The following TCFL5 variants were observed in gnomAD, a reference collection of about 807,000 sequenced individuals.
TCFL5 encodes transcription factor-like 5 protein.
In TCFL5, 9 loss-of-function variants were observed where a neutral mutation model predicts 44.3. That is an observed-to-expected ratio of 0.20 (90% CI 0.12 to 0.35). TCFL5 has a LOEUF of 0.35. Ranked by LOEUF, TCFL5 falls within the 10% of genes least tolerant of loss-of-function variation. The pLI is 1.00. For synonymous variants in TCFL5, 319 were observed against 271.6 expected, an observed-to-expected ratio of 1.17 and a Z score of -1.72; for missense variants, 603 against 613.4, an observed-to-expected ratio of 0.98 and a Z score of 0.18.
chr20:62,844,346 A>G (rs1039299039), intron 5 of TCFL5, among the ~76,000 whole-genome samples: 7 of 152,296 alleles, frequency 4.6e-5, no homozygotes, highest in Middle Eastern at 3.4e-3. Flanking sequence ...CGCATCTTTC[A>G]TGGGCTTATT....
At chr20:62,850,766 G>T (rs1300063627) in intron 5 of TCFL5, among the ~76,000 whole-genome samples, 2 of 152,164 alleles carry the variant, frequency 1.3e-5, no homozygotes, top group Non-Finnish European at 2.9e-5. Context: ...CAGCAACACT[G>T]GCTGGCAGGC....
At chr20:62,845,511 A>C in intron 5 of TCFL5, 1 of 1,427,798 alleles carries the variant, frequency 7.0e-7, no homozygotes, top group East Asian at 2.6e-5. Flanking sequence ...TAAAGCCTAC[A>C]TATAAAAAAC....
rs544463959 is a variant in TCFL5, at chr20:62,859,185, T to C, written c.994+179A>G. Among the ~76,000 whole-genome samples the C allele has an allele frequency of 3.3e-5, 5 of 152,302 alleles. No individual in the cohort carries two copies. In the South Asian group the frequency reaches 1.0e-3, roughly 32 times the overall value. ...TAATTATGTTTGAGAATCAGAATAA[T>C]GTTTAAAGCGAAAAGACAGGGAAGC... On this transcript the variant is annotated intron_variant, in intron 3 of 5. Coordinates refer to ENST00000335351, the MANE Select transcript of TCFL5 (RefSeq NM_006602.4).
chr20:62,845,610 CG>C (rs2063731707), intron 5 of TCFL5: 2 of 1,583,430 alleles, frequency 1.3e-6, no homozygotes, highest in Admixed American at 1.8e-5. Context: ...GTTAGACCCT[CG>C]GAGCTGGTCT....
At chr20:62,844,724 T>C (rs1266541593) in intron 5 of TCFL5, 8 of 241,022 alleles carry the variant, frequency 3.3e-5, no homozygotes, top group Non-Finnish European at 5.3e-5. Flanking sequence ...GCCTCCTGAA[T>C]AGCTGGGATT....
At chr20:62,844,324 C>A (rs1465849190) in intron 5 of TCFL5, among the ~76,000 whole-genome samples, 1 of 152,226 alleles carries the variant, frequency 6.6e-6, no homozygotes, top group Non-Finnish European at 1.5e-5. Context: ...TCCCTAATGA[C>A]TAACGGCTTG....
At position 62,861,579 on chromosome 20, in the gene TCFL5, G is replaced by A. The variant is rs368842247; in HGVS notation, c.92C>T (p.Ala31Val). 1.2e-5 allele frequency: 13 copies of A among 1,088,074 alleles called. No individual in the cohort carries two copies. The highest frequency in any genetic ancestry group is 1.3e-5 in the Non-Finnish European group (12 of 891,308). The allele number at this position is 1,088,074 out of a possible 1,614,324, so 67.4% of individuals were successfully genotyped here. Residue 31 changes from alanine (A) to valine (V), a missense_variant, in exon 1 of 6, where the codon GCG (alanine) becomes GTG (valine). Physicochemically the swap from Ala to Val is moderately conservative, Grantham distance 64. This residue lies in a region of TCFL5 where 540 missense variants were observed against 478.7 expected (regional missense o/e 1.13). Transcript: ENST00000335351. The surrounding 1 kb of genome is among the most constrained non-coding windows in gnomAD (Gnocchi z 4.0). Reference protein sequence around the residue: ...AVEGAGGGDAALGEPGLSFTT... With the variant: ...AVEGAGGGDAVLGEPGLSFTT... ...GAAGCTCAGCCCCGGCTCGCCCAGC[G>A]CCGCGTCCCCGCCGCCCGCGCCCTC...
intron 5 of TCFL5, chr20:62,853,012 G>T (rs1412615608): frequency 7.8e-7 from 1 of 1,278,206 alleles, no homozygotes; most frequent in Non-Finnish European, 1.0e-6. Context: ...GTCCGCAGAA[G>T]TATAGTCACC....
intron 5 of TCFL5, among the ~76,000 whole-genome samples, chr20:62,847,463 G>C (rs2063757996): frequency 6.6e-6 from 1 of 152,204 alleles, no homozygotes. Flanking sequence ...CCAACAAAGT[G>C]AATGACTGAG....
intron 2 of TCFL5, 93 bp downstream of exon 2, chr20:62,860,032 A>AG (rs1309044213): frequency 1.6e-6 from 2 of 1,285,736 alleles, no homozygotes; most frequent in East Asian, 2.3e-5. Context: ...AGCTCACTGA[A>AG]GGGAAAAAAA....
chr20:62,853,771 G>A lies in TCFL5; in HGVS notation c.1380+245C>T, dbSNP rs16983302. 0.052 allele frequency among the ~76,000 whole-genome samples: 7,857 copies of A among 152,208 alleles called. 385 individuals are homozygous for A. Among genetic ancestry groups the A allele is most frequent in the East Asian group, 0.21 (1,090 of 5,174 alleles). On this transcript the variant is annotated intron_variant, in intron 5 of 5. Transcript: ENST00000335351. ...ACCGTACACAGCAGGTGCCCAATTT[G>A]CTATCTGACAATTGCCTCTTCACAG...
chr20:62,858,906 A>C lies in TCFL5; in HGVS notation c.994+458T>G, dbSNP rs962687406. ...TAGCGCAGCAGTGCCTTCAGCAGTG[A>C]CTTTATTTCCAAACTTTCCGAATCA... On this transcript the variant is annotated intron_variant, in intron 3 of 5. Transcript: ENST00000335351. Among the ~76,000 whole-genome samples, 6 of 152,128 alleles carry C rather than the reference A, an allele frequency of 3.9e-5. No individual in the cohort carries two copies. The East Asian group carries it at 1.2e-3, about 29-fold the overall frequency.
chr20:62,850,383 T>C (rs1286557273), intron 5 of TCFL5, among the ~76,000 whole-genome samples: 1 of 151,628 alleles, frequency 6.6e-6, no homozygotes, highest in African/African-American at 2.4e-5. Context: ...GCCCCCAGAA[T>C]GCCGAGATCC....
chr20:62,851,902 C>A, intron 5 of TCFL5: 1 of 883,824 alleles, frequency 1.1e-6, no homozygotes, highest in Non-Finnish European at 1.4e-6. Context: ...CTCCGCCTCC[C>A]GGGTTCAACA....
chr20:62,858,401 T>G (rs1388084242), intron 3 of TCFL5, among the ~76,000 whole-genome samples: 2 of 152,276 alleles, frequency 1.3e-5, no homozygotes, highest in Non-Finnish European at 2.9e-5. Context: ...TTTTATTCCT[T>G]AACCTGAGTA....
Position 62,844,522 on chromosome 20 carries a change from G to A in TCFL5, c.1381-2425C>T, listed in dbSNP as rs139882080. ...GCCTCCCGAGTAGCTGGGACTACAG[G>A]TGCACACCATCACGCCTGGCTTTCA... is the stretch of plus-strand genomic sequence containing the variant. On this transcript the variant is annotated intron_variant, in intron 5 of 5. Coordinates refer to ENST00000335351, the MANE Select transcript of TCFL5 (RefSeq NM_006602.4). Among the ~76,000 whole-genome samples, 958 of 151,772 alleles carry A rather than the reference G, an allele frequency of 6.3e-3. 7 individuals are homozygous for A. The highest frequency in any genetic ancestry group is 0.01 in the Non-Finnish European group (692 of 67,972).
intron 3 of TCFL5, among the ~76,000 whole-genome samples, 156 bp from the exon 4 acceptor site, chr20:62,857,794 A>C (rs982074294): frequency 2.0e-5 from 3 of 152,232 alleles, no homozygotes; most frequent in Non-Finnish European, 4.4e-5. Context: ...GCAGTTTTTC[A>C]GCATCAGCAG....
At chr20:62,854,756 T>G (rs1171963999) in intron 4 of TCFL5, among the ~76,000 whole-genome samples, 2 of 152,222 alleles carry the variant, frequency 1.3e-5, no homozygotes, top group Admixed American at 1.3e-4. Flanking sequence ...CATATTACAT[T>G]CAGTAACATG....
rs1469832516 is a variant in TCFL5 at position 62,841,613 on chromosome 20, C to T, written c.*362G>A. The T allele has an allele frequency of 6.2e-6, 1 of 161,070 alleles. No homozygotes were observed. Among genetic ancestry groups the T allele is most frequent in the Non-Finnish European group, 1.3e-5 (1 of 74,174 alleles). The allele number at this position is 161,070 out of a possible 1,614,324, so 10.0% of individuals were successfully genotyped here. A position where few individuals can be genotyped will look rare whatever the true frequency, so the allele number is the denominator to read the frequency against. On this transcript the variant is annotated 3_prime_UTR_variant, in exon 6 of 6. Transcript: ENST00000335351. ...TTTAAAAGGTAAATAAGTAAAAAGC[C>T]GTGTACTTTTTAAGATTAAAGAAAG...
Sources: gnomAD v4.1 joint callset for allele counts (sites outside exome capture counted in the v4.1 genomes callset) on GRCh38, gnomAD v4.1.1 for gene constraint, gnomAD v4.1.1 regional missense constraint, Gnocchi (gnomAD v3.1) non-coding constraint, MANE v1.5 for transcripts, NCBI Gene and HGNC (gene_info 2026-07-23, HGNC 2026-07-21) for gene names.